MEIS2: variants seen among roughly 807,000 people sequenced by gnomAD.
MEIS2 encodes the protein Meis homeobox 2.
In MEIS2, 9 loss-of-function variants were observed where a neutral mutation model predicts 58.6. That is an observed-to-expected ratio of 0.15 (90% CI 0.09 to 0.27). MEIS2 has a LOEUF of 0.27. MEIS2 is among the 10% of genes least tolerant of loss of function. The probability of loss-of-function intolerance (pLI) is 1.00; values close to 1 mark genes in which losing one functional copy is unlikely to be tolerated. For synonymous variants in MEIS2, 221 were observed against 228.4 expected, an observed-to-expected ratio of 0.97 and a Z score of 0.29; for missense variants, 427 against 635.0, an observed-to-expected ratio of 0.67 and a Z score of 3.52.
At chr15:37,062,495 A>T (rs1889354545) in intron 7 of MEIS2, among the ~76,000 whole-genome samples, 1 of 152,228 alleles carries the variant, frequency 6.6e-6, no homozygotes, top group South Asian at 2.1e-4. Context: ...ACAGAAGGAG[A>T]GATCTTTCAC....
intron 8 of MEIS2, among the ~76,000 whole-genome samples, chr15:36,964,053 C>G (rs1394862896): frequency 1.3e-5 from 2 of 152,148 alleles, no homozygotes; most frequent in Non-Finnish European, 2.9e-5. Flanking sequence ...TTGAAATATC[C>G]TAAGTTGAAT....
At chr15:36,950,230 T>C (rs1012411372) in intron 9 of MEIS2, 94 bp downstream of exon 9, 10 of 1,134,702 alleles carry the variant, frequency 8.8e-6, no homozygotes, top group Non-Finnish European at 1.1e-5. Context: ...CTCGATTTCA[T>C]TTGTTTTAGA....
intron 8 of MEIS2, among the ~76,000 whole-genome samples, chr15:36,977,489 C>A (rs1397285723): frequency 6.6e-6 from 1 of 152,188 alleles, no homozygotes; most frequent in East Asian, 1.9e-4. Context: ...TTCATGTGAT[C>A]TTGGGTGAGT....
intron 6 of MEIS2, among the ~76,000 whole-genome samples, chr15:37,092,050 C>A (rs1035507664): frequency 2.6e-5 from 4 of 152,190 alleles, no homozygotes; most frequent in African/African-American, 9.7e-5. Flanking sequence ...CTTTCCATAA[C>A]CACTGCTGCA....
chr15:36,989,984 G>C (rs754147751), intron 8 of MEIS2, among the ~76,000 whole-genome samples: 1 of 152,016 alleles, frequency 6.6e-6, no homozygotes, highest in South Asian at 2.1e-4. Flanking sequence ...TCACTCTGTC[G>C]CCCAGGCTGG....
At chr15:36,906,388 G>A (rs1224474281) in intron 9 of MEIS2, among the ~76,000 whole-genome samples, 5 of 151,916 alleles carry the variant, frequency 3.3e-5, no homozygotes, top group African/African-American at 1.2e-4. Flanking sequence ...TGGTAGAAAT[G>A]AAAAAGAAGT....
chr15:36,900,752 C>T (rs989654641), intron 9 of MEIS2, among the ~76,000 whole-genome samples: 1 of 152,164 alleles, frequency 6.6e-6, no homozygotes, highest in African/African-American at 2.4e-5. Context: ...TGAACTCTGA[C>T]CATCATGATT....
At chr15:36,907,619 G>A (rs952285362) in intron 9 of MEIS2, among the ~76,000 whole-genome samples, 1 of 152,164 alleles carries the variant, frequency 6.6e-6, no homozygotes, top group African/African-American at 2.4e-5. Context: ...TTTGGAAGGT[G>A]GCAACATTCT....
intron 8 of MEIS2, among the ~76,000 whole-genome samples, chr15:37,009,644 T>C (rs2061060084): frequency 6.6e-6 from 1 of 152,226 alleles, no homozygotes; most frequent in Non-Finnish European, 1.5e-5. Context: ...TATTATGAAG[T>C]CATTCAATTT....
At chr15:37,098,419 A>AGG (rs1894643562) in intron 1 of MEIS2, 1 of 1,197,532 alleles carries the variant, frequency 8.4e-7, no homozygotes, top group African/African-American at 1.6e-5. Flanking sequence ...AGAGAGAGAG[A>AGG]GAGAGAAAAT....
In MEIS2 at chr15:36,890,572, G is replaced by A. The variant is rs2141208206; in HGVS notation, c.*1601C>T. 2 of 152,188 alleles carry A rather than the reference G, an allele frequency of 1.3e-5. No individual in the cohort carries two copies. The highest frequency in any genetic ancestry group is 3.4e-3 in the Middle Eastern group (1 of 294). 9.4% of individuals were successfully genotyped at this position (152,188 alleles called of 1,614,324 possible). ...TTTACTTATCTATGAACACCCATAT[G>A]TAAATTTTCATTTACATATCCAACA... On this transcript the variant is annotated 3_prime_UTR_variant, in exon 12 of 12. Coordinates refer to ENST00000561208, the MANE Select transcript of MEIS2 (RefSeq NM_170675.5).
chr15:37,092,694 T>C (rs1473938972), intron 6 of MEIS2, among the ~76,000 whole-genome samples: 1 of 111,240 alleles, frequency 9.0e-6, no homozygotes, highest in African/African-American at 3.4e-5. Context: ...TCACTACATA[T>C]GCTTTTTTTT....
intron 8 of MEIS2, among the ~76,000 whole-genome samples, chr15:36,990,197 G>A (rs190925808): frequency 2.6e-5 from 4 of 152,038 alleles, no homozygotes; most frequent in South Asian, 2.1e-4. Context: ...CGCCCACCTC[G>A]GCCTCCCAAA....
intron 7 of MEIS2, among the ~76,000 whole-genome samples, chr15:37,075,843 C>T (rs775504267): frequency 1.7e-4 from 26 of 151,820 alleles, no homozygotes; most frequent in African/African-American, 3.9e-4. Context: ...TTCATCTGTA[C>T]GAATTTCCAA....
At chr15:37,098,795 A>T in intron 1 of MEIS2, 2 of 538,676 alleles carry the variant, frequency 3.7e-6, no homozygotes, top group Non-Finnish European at 4.7e-6. Flanking sequence ...GAGAAGAAAA[A>T]CGCTAATAAT....
At chr15:37,044,424 C>T (rs1432674248) in intron 7 of MEIS2, among the ~76,000 whole-genome samples, 5 of 152,096 alleles carry the variant, frequency 3.3e-5, no homozygotes, top group Admixed American at 6.5e-5. Flanking sequence ...CCAATATGAG[C>T]CTACCCTTTA....
chr15:37,033,679 T>C (rs909344251), intron 8 of MEIS2, among the ~76,000 whole-genome samples: 3 of 152,184 alleles, frequency 2.0e-5, no homozygotes, highest in African/African-American at 4.8e-5. Context: ...TCGAAATTAA[T>C]TAAATGACAG....
intron 8 of MEIS2, among the ~76,000 whole-genome samples, chr15:36,987,590 T>G (rs561135302): frequency 1.3e-5 from 2 of 152,136 alleles, no homozygotes; most frequent in South Asian, 4.1e-4. Context: ...GGGGTGAAAT[T>G]ATGATAAAAT....
At chr15:37,074,556 A>G (rs1002426890) in intron 7 of MEIS2, among the ~76,000 whole-genome samples, 1 of 152,008 alleles carries the variant, frequency 6.6e-6, no homozygotes, top group African/African-American at 2.4e-5. Context: ...CAGGTGAGCA[A>G]AAGTCCAAAG....
Sources: allele counts gnomAD v4.1 joint callset (sites outside exome capture counted in the v4.1 genomes callset), GRCh38; gene constraint gnomAD v4.1.1; transcripts MANE v1.5; gene names NCBI Gene and HGNC (gene_info 2026-07-23, HGNC 2026-07-21).